TRDN: variants seen among roughly 807,000 people sequenced by gnomAD.
TRDN encodes triadin in skeletal muscle.
In TRDN, 161 loss-of-function variants were observed where a neutral mutation model predicts 149.7. The ratio of observed to expected loss-of-function variants is 1.08; its 90% CI spans 0.95 to 1.23. The LOEUF (loss-of-function observed/expected upper bound fraction) is 1.23. Ranked by LOEUF, TRDN falls within the 50% of genes most tolerant of loss-of-function variation. The pLI is 0.00. For synonymous variants in TRDN, 294 were observed against 250.5 expected, an observed-to-expected ratio of 1.17 and a Z score of -1.64; for missense variants, 896 against 823.5, an observed-to-expected ratio of 1.09 and a Z score of -1.08.
In TRDN at chr6:123,453,917, G is replaced by GTA. The variant is rs202126679; in HGVS notation, c.931+10987_931+10988dup. On this transcript the variant is annotated intron_variant, in intron 10 of 40. Transcript: ENST00000334268. Reference sequence around the variant, plus strand: ...TGTGTGTGTGTGTGTGTGTGTGTATGTATATATATACATGATGGAATACAA... The same window carrying GTA: ...TGTGTGTGTGTGTGTGTGTGTGTATGTATATATATATACATGATGGAATACAA... Among the ~76,000 whole-genome samples the GTA allele has an allele frequency of 9.6e-3, 1,461 of 151,878 alleles. 21 individuals carry two copies. The highest frequency in any genetic ancestry group is 0.033 in the African/African-American group (1,375 of 41,356).
intron 14 of TRDN, among the ~76,000 whole-genome samples, chr6:123,387,562 G>T (rs150496458): frequency 6.6e-6 from 1 of 152,170 alleles, no homozygotes; most frequent in African/African-American, 2.4e-5. Context: ...AAGTGAGAAC[G>T]ACAGTGAGAA....
chr6:123,566,005 C>A (rs748982047), intron 2 of TRDN, among the ~76,000 whole-genome samples: 1 of 152,208 alleles, frequency 6.6e-6, no homozygotes, highest in South Asian at 2.1e-4. Context: ...AACAGCCTTA[C>A]ATAGATTAAT....
At chr6:123,296,653 A>G (rs1036760609) in intron 24 of TRDN, among the ~76,000 whole-genome samples, 2 of 128,046 alleles carry the variant, frequency 1.6e-5, no homozygotes, top group Non-Finnish European at 3.3e-5. Flanking sequence ...TTTCTTCCTT[A>G]CTTATAGAGG....
chr6:123,433,162 A>ATAATAT lies in TRDN; in HGVS notation c.1051+4900_1051+4901insATATTA, dbSNP rs796874348. ...ATCATAAATATATATATATATATAT[A>ATAATAT]ATATATATATATATATATATACATC... On this transcript the variant is annotated intron_variant, in intron 12 of 40. Coordinates refer to ENST00000334268, the MANE Select transcript of TRDN (RefSeq NM_006073.4). 4.4e-3 allele frequency among the ~76,000 whole-genome samples: 348 copies of ATAATAT among 79,956 alleles called. 6 individuals carry two copies. The highest frequency in any genetic ancestry group is 6.2e-3 in the Non-Finnish European group (247 of 39,984). The allele number at this position is 79,956 out of a possible 152,430, so 52.5% of individuals were successfully genotyped here. A position where few individuals can be genotyped will look rare whatever the true frequency, so the allele number is the denominator to read the frequency against.
chr6:123,609,046 G>A lies in TRDN; in HGVS notation c.22+27708C>T, dbSNP rs144329472. Among the ~76,000 whole-genome samples the A allele has an allele frequency of 1.3e-3, 205 of 151,948 alleles. 1 individual carries two copies. Among genetic ancestry groups the A allele is most frequent in the East Asian group, 0.012 (61 of 5,148 alleles). On this transcript the variant is annotated intron_variant, in intron 1 of 40. Transcript: ENST00000334268. ...AAATTAGCAGGGCATGGTGGTGTGC[G>A]CCTGTAATCCCAGCTACTTGAGAGT...
chr6:123,539,434 T>C (rs953588677), intron 4 of TRDN, among the ~76,000 whole-genome samples: 4 of 152,194 alleles, frequency 2.6e-5, no homozygotes, highest in African/African-American at 7.2e-5. Context: ...AGTTTAATCA[T>C]AGAATCGTAA....
intron 24 of TRDN, among the ~76,000 whole-genome samples, chr6:123,309,534 G>A (rs1778736050): frequency 6.6e-6 from 1 of 151,892 alleles, no homozygotes; most frequent in South Asian, 2.1e-4. Context: ...AGGGGCAAAG[G>A]GAGTAAAATT....
chr6:123,239,444 C>A (rs1775908029), intron 38 of TRDN, among the ~76,000 whole-genome samples: 1 of 152,008 alleles, frequency 6.6e-6, no homozygotes, highest in Non-Finnish European at 1.5e-5. Flanking sequence ...CAACCATTAG[C>A]AAAGACACAA....
chr6:123,547,198 AT>A (rs1025626677), intron 4 of TRDN, 141 bp downstream of exon 4: 47 of 525,952 alleles, frequency 8.9e-5, no homozygotes, highest in South Asian at 1.2e-4. Context: ...GAAATTGAGT[AT>A]TTTTTTTCTG....
intron 1 of TRDN, among the ~76,000 whole-genome samples, chr6:123,625,990 CTGTT>C (rs1228502651): frequency 6.6e-6 from 1 of 152,192 alleles, no homozygotes; most frequent in Non-Finnish European, 1.5e-5. Context: ...GTGACATTCA[CTGTT>C]TGATAGGATT....
At chr6:123,565,125 T>G (rs1367484597) in intron 2 of TRDN, among the ~76,000 whole-genome samples, 5 of 152,166 alleles carry the variant, frequency 3.3e-5, no homozygotes, top group African/African-American at 9.7e-5. Context: ...AAAAGAAATT[T>G]GTAAGAAATT....
At chr6:123,408,353 C>T (rs1488003576) in intron 12 of TRDN, among the ~76,000 whole-genome samples, 2 of 152,044 alleles carry the variant, frequency 1.3e-5, no homozygotes, top group Non-Finnish European at 2.9e-5. Context: ...ACAAAATTCT[C>T]ATACCTATGT....
intron 38 of TRDN, among the ~76,000 whole-genome samples, chr6:123,230,333 A>C (rs1340902001): frequency 2.0e-5 from 3 of 151,980 alleles, no homozygotes; most frequent in Non-Finnish European, 4.4e-5. Context: ...TGGGAATTGA[A>C]CAATAAGAAC....
Position 123,570,944 on chromosome 6 carries a change from C to T in TRDN, c.211G>A (p.Val71Met), listed in dbSNP as rs776957923. The change falls in exon 2 of 41, where the codon GTG becomes ATG. Residue 71 changes from valine to methionine, a missense_variant. Val to Met is a conservative substitution (Grantham distance 21). Coordinates refer to ENST00000334268, the MANE Select transcript of TRDN (RefSeq NM_006073.4). ...TTACCTGAAAAGTTTTTGTAATCCA[C>T]TAAATCAAACATAACGATGGCAACA... ...SAVAIVMFDL[V>M]DYKNFSASSI... 6.8e-6 allele frequency: 11 copies of T among 1,613,732 alleles called. No individual in the cohort carries two copies. Among genetic ancestry groups the T allele is most frequent in the Non-Finnish European group, 9.3e-6 (11 of 1,179,828 alleles).
rs114440010 is a variant in TRDN at position 123,280,715 on chromosome 6, C to T, written c.1511-1633G>A. 5.4e-3 allele frequency among the ~76,000 whole-genome samples: 794 copies of T among 147,998 alleles called. 4 individuals carry two copies. Among genetic ancestry groups the T allele is most frequent in the African/African-American group, 0.019 (766 of 39,940 alleles). ...AGTTTAGCTGTCTCTTTCTCAGAAG[C>T]CTTTTTCTGATGCAGCGGAATTGCT... On this transcript the variant is annotated intron_variant, in intron 24 of 40. Coordinates refer to ENST00000334268, the MANE Select transcript of TRDN (RefSeq NM_006073.4).
chr6:123,464,441 T>A, intron 10 of TRDN: 2 of 956,230 alleles, frequency 2.1e-6, no homozygotes, highest in Non-Finnish European at 2.5e-6. Flanking sequence ...AGGAGATCAG[T>A]GCTCTGCTTA....
intron 9 of TRDN, chr6:123,489,581 G>A (rs1370553545): frequency 1.3e-5 from 2 of 152,106 alleles, no homozygotes; most frequent in African/African-American, 4.8e-5. Flanking sequence ...ATTACCATGT[G>A]ACAGCATTGG....
At chr6:123,296,441 A>T (rs184309476) in intron 24 of TRDN, among the ~76,000 whole-genome samples, 2 of 152,298 alleles carry the variant, frequency 1.3e-5, no homozygotes, top group Non-Finnish European at 2.9e-5. Flanking sequence ...CTTTAATGGG[A>T]TGCTTCAATC....
At chr6:123,581,822 CAG>C (rs1336812627) in intron 1 of TRDN, among the ~76,000 whole-genome samples, 1 of 152,110 alleles carries the variant, frequency 6.6e-6, no homozygotes, top group African/African-American at 2.4e-5. Context: ...AATCATCAAA[CAG>C]AGAAAACTTT....
Sources: gnomAD v4.1 joint callset for allele counts (sites outside exome capture counted in the v4.1 genomes callset) on GRCh38, gnomAD v4.1.1 for gene constraint, MANE v1.5 for transcripts, NCBI Gene and HGNC (gene_info 2026-07-23, HGNC 2026-07-21) for gene names.